Variants in DHRSX observed in about 807,000 individuals in gnomAD.
DHRSX encodes polyprenol dehydrogenase.
A neutral mutation model predicts 34.0 loss-of-function variants in DHRSX; 31 were observed. That is an observed-to-expected ratio of 0.91 (90% CI 0.69 to 1.23). The LOEUF is 1.23. Ranked by LOEUF, DHRSX falls within the 50% of genes most tolerant of loss-of-function variation. The pLI, the probability that DHRSX is intolerant of heterozygous loss-of-function variation, is 0.00. For synonymous variants in DHRSX, 201 were observed against 183.8 expected (o/e 1.09, Z -0.76); for missense variants, 414 against 428.1 (o/e 0.97, Z 0.29).
At chrX:2,395,056 A>G (rs2043393109) in intron 3 of DHRSX, among the ~76,000 whole-genome samples, 8 of 152,116 alleles carry the variant, frequency 5.3e-5, no homozygotes, top group Admixed American at 4.6e-4. Context: ...GGTCAGCGTT[A>G]TAGGTGATGA....
intron 1 of DHRSX, chrX:2,489,711 T>G: frequency 1.2e-6 from 2 of 1,612,982 alleles, no homozygotes; most frequent in Non-Finnish European, 1.7e-6. Flanking sequence ...TTCTGCTGCT[T>G]CTGCTTCTCA....
chrX:2,439,055 G>T (rs1405576040), intron 1 of DHRSX, among the ~76,000 whole-genome samples: 1 of 151,464 alleles, frequency 6.6e-6, no homozygotes, highest in Non-Finnish European at 1.5e-5. Flanking sequence ...TGGGGCAGGA[G>T]AATTTTTTGA....
At chrX:2,251,102 C>G (rs143733537) in intron 5 of DHRSX, among the ~76,000 whole-genome samples, 493 of 152,300 alleles carry the variant, frequency 3.2e-3, no homozygotes, top group Non-Finnish European at 6.0e-3. Context: ...CCTCCAGCCA[C>G]TGTCTCATCA....
intron 3 of DHRSX, among the ~76,000 whole-genome samples, chrX:2,346,715 A>C (rs1419935433): frequency 6.6e-6 from 1 of 151,630 alleles, no homozygotes; most frequent in Non-Finnish European, 1.5e-5. Context: ...CAGGTTACAT[A>C]GGTATCCATG....
rs184926427 is a variant in DHRSX, at chrX:2,425,568, C to T, written c.110-264G>A. On this transcript the variant is annotated intron_variant, in intron 1 of 6. Transcript: ENST00000334651. ...GTCCCTGGCAGGCTCTGCAATATGC[C>T]GTCAGTGTGACCGGCAGAAAGGTCT... Among the ~76,000 whole-genome samples, 605 of 152,240 alleles carry T rather than the reference C, an allele frequency of 4.0e-3. 2 individuals carry two copies. Among genetic ancestry groups the T allele is most frequent in the Admixed American group, 8.4e-3 (129 of 15,290 alleles).
chrX:2,454,254 C>T (rs1474355980), intron 1 of DHRSX, among the ~76,000 whole-genome samples: 21 of 152,048 alleles, frequency 1.4e-4, no homozygotes, highest in African/African-American at 3.6e-4. Context: ...GGGCCGGGCG[C>T]TGTGACTCAC....
At chrX:2,425,734 A>G (rs2043837484) in intron 1 of DHRSX, among the ~76,000 whole-genome samples, 1 of 152,206 alleles carries the variant, frequency 6.6e-6, no homozygotes, top group Admixed American at 6.5e-5. Flanking sequence ...TGGGGCCAAC[A>G]GATCAGGAGA....
intron 3 of DHRSX, among the ~76,000 whole-genome samples, chrX:2,391,018 C>A (rs1010847187): frequency 2.6e-5 from 4 of 152,182 alleles, no homozygotes; most frequent in Non-Finnish European, 5.9e-5. Flanking sequence ...AATATTCCAC[C>A]GTTTGGATAT....
At chrX:2,315,992 G>A (rs112334727) in intron 3 of DHRSX, among the ~76,000 whole-genome samples, 2 of 152,066 alleles carry the variant, frequency 1.3e-5, no homozygotes, top group Non-Finnish European at 2.9e-5. Context: ...CTCCCCAGTA[G>A]CTGGGATTAC....
intron 3 of DHRSX, among the ~76,000 whole-genome samples, chrX:2,323,802 G>A (rs1223846123): frequency 6.7e-6 from 1 of 150,294 alleles, no homozygotes; most frequent in African/African-American, 2.5e-5. Flanking sequence ...AGTAATGAGA[G>A]GAATTTTAGG....
At chrX:2,298,394 T>TA (rs770643932) in intron 3 of DHRSX, among the ~76,000 whole-genome samples, 74,588 of 132,168 alleles carry the variant, frequency 0.56, 21,745 homozygotes, top group Middle Eastern at 0.68. Context: ...GGTCTTTTGT[T>TA]AAAAAAAAAA....
chrX:2,478,193 A>G (rs1013417500), intron 1 of DHRSX, among the ~76,000 whole-genome samples: 1 of 152,214 alleles, frequency 6.6e-6, no homozygotes, highest in Non-Finnish European at 1.5e-5. Flanking sequence ...GAATGCGGTC[A>G]GCACGGTGGC....
intron 1 of DHRSX, among the ~76,000 whole-genome samples, chrX:2,484,984 C>A (rs972878101): frequency 3.3e-5 from 5 of 152,126 alleles, no homozygotes; most frequent in Non-Finnish European, 7.3e-5. Flanking sequence ...TCACTTTCCC[C>A]AAGCTGTTTT....
chrX:2,474,025 G>A (rs908346011), intron 1 of DHRSX, among the ~76,000 whole-genome samples: 7 of 151,852 alleles, frequency 4.6e-5, no homozygotes, highest in African/African-American at 1.7e-4. Context: ...GAGCAGGCTG[G>A]CTGCGTCTCT....
At chrX:2,232,739 A>AT (rs1298210903) in intron 6 of DHRSX, among the ~76,000 whole-genome samples, 10 of 151,706 alleles carry the variant, frequency 6.6e-5, no homozygotes, top group African/African-American at 2.4e-4. Context: ...CATCCAGCTA[A>AT]TTTTTTGTAT....
At chrX:2,229,701 G>A (rs938227780) in intron 6 of DHRSX, among the ~76,000 whole-genome samples, 7 of 152,154 alleles carry the variant, frequency 4.6e-5, no homozygotes, top group Admixed American at 3.9e-4. Context: ...GAATGCACAC[G>A]TTAATGGGTA....
At chrX:2,249,513 CTTTTTT>C (rs753035485) in intron 5 of DHRSX, among the ~76,000 whole-genome samples, 153 of 70,166 alleles carry the variant, frequency 2.2e-3, no homozygotes, top group African/African-American at 6.7e-3. Flanking sequence ...CTTTTTGTGC[CTTTTTT>C]TTTTTTTTTT....
intron 3 of DHRSX, among the ~76,000 whole-genome samples, chrX:2,335,196 A>AG: frequency 6.6e-6 from 1 of 151,768 alleles, no homozygotes; most frequent in African/African-American, 2.4e-5. Context: ...AAAAAAAAAA[A>AG]AAAGAAAAAT....
At chrX:2,418,923 C>A (rs116046273) in intron 2 of DHRSX, among the ~76,000 whole-genome samples, 122,754 of 151,708 alleles carry the variant, frequency 0.81, 50,355 homozygotes, top group East Asian at 0.94. Flanking sequence ...ATCTCAGAAC[C>A]CCCCCTGCCC....
Sources: gnomAD v4.1 joint callset for allele counts (sites outside exome capture counted in the v4.1 genomes callset) on GRCh38, gnomAD v4.1.1 for gene constraint, MANE v1.5 for transcripts, NCBI Gene and HGNC (gene_info 2026-07-23, HGNC 2026-07-21) for gene names.